Variants in FNDC1 observed in about 807,000 individuals in gnomAD.
FNDC1 encodes fibronectin type III domain containing 1, also known as fibronectin type III domain-containing protein 1.
In FNDC1, 96 loss-of-function variants were observed where a neutral mutation model predicts 168.0. That is an observed-to-expected ratio of 0.57 (90% CI 0.48 to 0.68). FNDC1 has a LOEUF of 0.68. Ranked by LOEUF, FNDC1 falls within the 30% of genes least tolerant of loss-of-function variation. The pLI, the probability that FNDC1 is intolerant of heterozygous loss-of-function variation, is 0.00. For missense variants in FNDC1, 2,587 were observed against 2,482.1 expected, an observed-to-expected ratio of 1.04 and a Z score of -0.90; for synonymous variants, 1,099 against 1,025.9, an observed-to-expected ratio of 1.07 and a Z score of -1.36.
In FNDC1 at chr6:159,200,087, G is replaced by T. The variant is rs763644801; in HGVS notation, c.391+5G>T. On this transcript the variant is annotated splice_donor_5th_base_variant and intron_variant, in intron 3 of 22. Coordinates refer to ENST00000297267, the MANE Select transcript of FNDC1 (RefSeq NM_032532.3). ...ACAGAGCTGAAAGCCCACCTGGTAA[G>T]TCCTATCTAGAATCAGAGGCTGTAG... 6 of 1,585,548 alleles carry T rather than the reference G, an allele frequency of 3.8e-6. No homozygotes were observed. The highest frequency in any genetic ancestry group is 1.7e-4 in the Middle Eastern group (1 of 6,038).
intron 11 of FNDC1, among the ~76,000 whole-genome samples, chr6:159,235,394 A>G (rs1783229001): frequency 6.6e-6 from 1 of 152,154 alleles, no homozygotes; most frequent in Non-Finnish European, 1.5e-5. Context: ...GCCCCATATC[A>G]AACTCAGTTT....
intron 13 of FNDC1, among the ~76,000 whole-genome samples, chr6:159,239,034 G>A (rs1783333055): frequency 6.6e-6 from 1 of 152,166 alleles, no homozygotes; most frequent in African/African-American, 2.4e-5. Flanking sequence ...ATATTTTGTG[G>A]CATGGTAATT....
chr6:159,169,617 G>T lies in FNDC1; in HGVS notation c.21G>T (p.Ala7=). ...TCTCGATGGCCCCCGAGGCCGGGGC[G>T]ACCCTGCGCGCGCCGCGCCGGCTGT... The part of the protein sequence containing the change: MAPEAG[A]TLRAPRRLSW... The change falls in exon 1 of 23, where the codon GCG becomes GCT. Residue 7 remains alanine (A), a synonymous_variant. Transcript: ENST00000297267. This position sits in a 1 kb window ranked among gnomAD's most constrained non-coding sequence, Gnocchi z 6.8. 2.6e-6 allele frequency: 3 copies of T among 1,133,002 alleles called. No individual in the cohort carries two copies. Among genetic ancestry groups the T allele is most frequent in the South Asian group, 8.0e-5 (2 of 24,906 alleles). The allele number at this position is 1,133,002 out of a possible 1,614,324, so 70.2% of individuals were successfully genotyped here.
chr6:159,231,141 C>T lies in FNDC1; in HGVS notation c.1370-741C>T, dbSNP rs556753698. ...CTGTAATCCCAGCACTTTGGGAGGC[C>T]GAGGCGGGTGGATCATGAGGTCAGG... On this transcript the variant is annotated intron_variant, in intron 10 of 22. Transcript: ENST00000297267. Among the ~76,000 whole-genome samples the T allele has an allele frequency of 4.9e-4, 14 of 28,704 alleles. 2 individuals are homozygous for T. The highest frequency in any genetic ancestry group is 7.5e-4 in the African/African-American group (14 of 18,588). The allele number at this position is 28,704 out of a possible 152,430, so 18.8% of individuals were successfully genotyped here.
intron 1 of FNDC1, among the ~76,000 whole-genome samples, chr6:159,174,092 G>C (rs921773011): frequency 2.0e-5 from 3 of 152,102 alleles, no homozygotes; most frequent in Non-Finnish European, 4.4e-5. Flanking sequence ...AAAAAATAGA[G>C]GTATTTAAAG....
intron 9 of FNDC1, among the ~76,000 whole-genome samples, 186 bp from the exon 10 acceptor site, chr6:159,229,629 T>C (rs1335976842): frequency 6.6e-6 from 1 of 152,224 alleles, no homozygotes; most frequent in Non-Finnish European, 1.5e-5. Context: ...CCCTGTGTGG[T>C]TGCCCGAATG....
At chr6:159,238,513 A>G (rs2114999403) in intron 12 of FNDC1, 41 bp from the exon 13 acceptor site, 1 of 1,425,610 alleles carries the variant, frequency 7.0e-7, no homozygotes, top group East Asian at 2.4e-5. Flanking sequence ...TGATCATTTC[A>G]AAATGTCCAA....
chr6:159,256,000 G>T (rs892909881), intron 17 of FNDC1, among the ~76,000 whole-genome samples: 1 of 152,190 alleles, frequency 6.6e-6, no homozygotes, highest in Non-Finnish European at 1.5e-5. Context: ...GAGGGCAAGG[G>T]CAGCACAGAT....
chr6:159,219,044 CTCT>C (rs1213561262), intron 5 of FNDC1, among the ~76,000 whole-genome samples: 2 of 113,150 alleles, frequency 1.8e-5, no homozygotes, highest in East Asian at 7.4e-4. Context: ...TCAGTTTCCC[CTCT>C]TTTTTTTTTT....
At position 159,239,973 on chromosome 6, in the gene FNDC1, C is replaced by A. The variant is rs890573620; in HGVS notation, c.4621+16C>A. On this transcript the variant is annotated intron_variant, in intron 14 of 22. Coordinates refer to ENST00000297267, the MANE Select transcript of FNDC1 (RefSeq NM_032532.3). Reference sequence around the variant, plus strand: ...GCTGAAGAAGGTAACTGCCTTTGTTCTAATGCTAACTACTTACCAGGCACA... The same window carrying A: ...GCTGAAGAAGGTAACTGCCTTTGTTATAATGCTAACTACTTACCAGGCACA... 17 of 1,465,062 alleles carry A rather than the reference C, an allele frequency of 1.2e-5. No homozygotes were observed. The highest frequency in any genetic ancestry group is 2.7e-6 in the Non-Finnish European group (3 of 1,103,028). The allele number at this position is 1,465,062 out of a possible 1,614,324, so 90.8% of individuals were successfully genotyped here.
At chr6:159,230,690 G>T (rs1437926354) in intron 10 of FNDC1, among the ~76,000 whole-genome samples, 1 of 152,152 alleles carries the variant, frequency 6.6e-6, no homozygotes, top group Admixed American at 6.5e-5. Flanking sequence ...AGTGTTTTTG[G>T]ACCATGTTTT....
intron 16 of FNDC1, 121 bp downstream of exon 16, chr6:159,249,303 A>G (rs1338574842): frequency 1.1e-6 from 1 of 898,832 alleles, no homozygotes; most frequent in Non-Finnish European, 1.7e-6. Context: ...TTCCAGAATG[A>G]AGTTTCCACT....
intron 5 of FNDC1, among the ~76,000 whole-genome samples, chr6:159,217,217 T>A (rs1448169988): frequency 6.6e-6 from 1 of 152,058 alleles, no homozygotes; most frequent in Non-Finnish European, 1.5e-5. Context: ...GAGAGTTGCC[T>A]AGGAGGAGAG....
intron 14 of FNDC1, among the ~76,000 whole-genome samples, chr6:159,244,190 G>T (rs986975686): frequency 2.0e-5 from 3 of 152,192 alleles, no homozygotes; most frequent in African/African-American, 7.2e-5. Context: ...AAAATGGTAG[G>T]CCAGGAAACA....
chr6:159,233,386 G>T lies in FNDC1; in HGVS notation c.2874G>T (p.Ala958=), dbSNP rs776196389. ...AGGATGTTCAACAGAGCACAGACGC[G>T]GACACGGAGGGTCATTCTCCCAAAG... The part of the protein sequence containing the change: ...KAQDVQQSTD[A]DTEGHSPKAQ... Residue 958 remains alanine, a synonymous_variant, in exon 11 of 23, where the codon GCG becomes GCT. Transcript: ENST00000297267. The surrounding 1 kb of genome is among the most constrained non-coding windows in gnomAD (Gnocchi z 4.6). 6.2e-7 allele frequency: 1 copy of T among 1,613,512 alleles called. No homozygotes were observed. The highest frequency in any genetic ancestry group is 2.2e-5 in the East Asian group (1 of 44,852).
chr6:159,257,380 T>C, intron 18 of FNDC1, among the ~76,000 whole-genome samples: 1 of 152,214 alleles, frequency 6.6e-6, no homozygotes, highest in Non-Finnish European at 1.5e-5. Context: ...ATGGTGTAAA[T>C]ACTACCATTT....
intron 1 of FNDC1, among the ~76,000 whole-genome samples, chr6:159,181,831 T>C (rs1781886040): frequency 6.6e-6 from 1 of 152,226 alleles, no homozygotes; most frequent in South Asian, 2.1e-4. Context: ...ATGAAGGCAG[T>C]CTTGTTCTAC....
intron 22 of FNDC1, among the ~76,000 whole-genome samples, chr6:159,269,329 C>CTATCTATCTATCTATT (rs1554229906): frequency 0.064 from 5,702 of 88,902 alleles, 1,022 homozygotes; most frequent in East Asian, 0.26. Flanking sequence ...ATCTAACTAT[C>CTATCTATCTATCTATT]TATCTATCTA....
In FNDC1 at chr6:159,267,915, C is replaced by T. The variant is rs1264195873; in HGVS notation, c.5558C>T (p.Pro1853Leu). The part of the protein sequence containing the change: ...TGPQSYVEAL[P>L]TIQGYYRQYR... ...CCTCAGTCCTATGTAGAAGCCCTCC[C>T]TACTATTCAAGGTAATACAAACAAA... The change falls in exon 22 of 23, where the codon CCT (proline) becomes CTT (leucine). Residue 1853 changes from proline to leucine, a missense_variant. By Grantham distance (98) the Pro-to-Leu change is moderately conservative (BLOSUM62 -3). Coordinates refer to ENST00000297267, the MANE Select transcript of FNDC1 (RefSeq NM_032532.3). The T allele has an allele frequency of 1.9e-6, 3 of 1,609,808 alleles. No individual in the cohort carries two copies. The highest frequency in any genetic ancestry group is 2.5e-6 in the Non-Finnish European group (3 of 1,177,866).
Sources: gnomAD v4.1 joint callset for allele counts (sites outside exome capture counted in the v4.1 genomes callset) on GRCh38, gnomAD v4.1.1 for gene constraint, Gnocchi (gnomAD v3.1) non-coding constraint, MANE v1.5 for transcripts, NCBI Gene and HGNC (gene_info 2026-07-23, HGNC 2026-07-21) for gene names.